EXOC6B: variants seen among roughly 807,000 people sequenced by gnomAD.
The protein encoded by EXOC6B is exocyst complex component 6B.
Under a neutral mutation model 113.5 loss-of-function variants are expected in EXOC6B, and 54 were observed. The observed-to-expected ratio is 0.48, with a 90% CI of 0.38 to 0.60. The LOEUF (loss-of-function observed/expected upper bound fraction) is 0.60. EXOC6B is among the 20% of genes least tolerant of loss of function. The pLI, the probability that EXOC6B is intolerant of heterozygous loss-of-function variation, is 0.00. For synonymous variants in EXOC6B, 357 were observed against 339.0 expected (o/e 1.05, Z -0.58); for missense variants, 797 against 977.5 (o/e 0.82, Z 2.46).
intron 18 of EXOC6B, among the ~76,000 whole-genome samples, chr2:72,450,737 T>G (rs966137395): frequency 6.6e-6 from 1 of 152,188 alleles, no homozygotes; most frequent in Non-Finnish European, 1.5e-5. Context: ...CTTCCCTCAA[T>G]AGCATAGAAT....
At chr2:72,606,376 A>G (rs1429316828) in intron 6 of EXOC6B, among the ~76,000 whole-genome samples, 2 of 152,170 alleles carry the variant, frequency 1.3e-5, no homozygotes, top group East Asian at 1.9e-4. Context: ...AAACAGGCCT[A>G]TGAAGTAAAC....
chr2:72,534,759 C>T (rs1702190525), intron 8 of EXOC6B, among the ~76,000 whole-genome samples: 1 of 152,078 alleles, frequency 6.6e-6, no homozygotes, highest in Non-Finnish European at 1.5e-5. Flanking sequence ...AACTGAAAGC[C>T]AAAGTTACAA....
At chr2:72,580,049 T>C (rs1168766432) in intron 6 of EXOC6B, among the ~76,000 whole-genome samples, 1 of 151,774 alleles carries the variant, frequency 6.6e-6, no homozygotes, top group Non-Finnish European at 1.5e-5. Context: ...GTGAAGTCTC[T>C]TGAATTAAAA....
At chr2:72,543,270 A>C (rs1702715909) in intron 8 of EXOC6B, among the ~76,000 whole-genome samples, 1 of 152,202 alleles carries the variant, frequency 6.6e-6, no homozygotes, top group South Asian at 2.1e-4. Context: ...TATTCTGAGA[A>C]AAATGGGAAA....
intron 19 of EXOC6B, among the ~76,000 whole-genome samples, chr2:72,373,594 T>G (rs1691172297): frequency 1.3e-5 from 2 of 152,088 alleles, no homozygotes; most frequent in African/African-American, 4.8e-5. Flanking sequence ...AATTTAAAAA[T>G]GAGCAAAAGA....
intron 19 of EXOC6B, among the ~76,000 whole-genome samples, chr2:72,373,348 C>T (rs1346148909): frequency 6.6e-6 from 1 of 152,030 alleles, no homozygotes; most frequent in African/African-American, 2.4e-5. Context: ...AGCCACCGTG[C>T]CTGGCCTGGG....
chr2:72,352,966 A>T (rs1689750821), intron 19 of EXOC6B, among the ~76,000 whole-genome samples: 1 of 152,186 alleles, frequency 6.6e-6, no homozygotes, highest in Admixed American at 6.5e-5. Context: ...GGGCCAAAAA[A>T]TATATTAAAT....
At chr2:72,529,141 C>A (rs1023340255) in intron 8 of EXOC6B, among the ~76,000 whole-genome samples, 1 of 151,790 alleles carries the variant, frequency 6.6e-6, no homozygotes, top group Non-Finnish European at 1.5e-5. Context: ...AGGGGGAAAC[C>A]ATTTGGACTT....
chr2:72,405,695 G>A (rs934386156), intron 18 of EXOC6B, among the ~76,000 whole-genome samples: 9 of 152,162 alleles, frequency 5.9e-5, no homozygotes, highest in Non-Finnish European at 1.2e-4. Context: ...AAGAGCTCCT[G>A]AAGGAAGCAC....
At chr2:72,557,103 A>T (rs1703588554) in intron 8 of EXOC6B, among the ~76,000 whole-genome samples, 1 of 151,872 alleles carries the variant, frequency 6.6e-6, no homozygotes, top group South Asian at 2.1e-4. Flanking sequence ...CTAGATCCAT[A>T]GCGCAACATC....
chr2:72,411,685 T>C (rs1224297047), intron 18 of EXOC6B, among the ~76,000 whole-genome samples: 1 of 152,204 alleles, frequency 6.6e-6, no homozygotes, highest in Non-Finnish European at 1.5e-5. Flanking sequence ...GAGCAGAATC[T>C]GGTCGTGGAT....
At chr2:72,217,258 A>G (rs2104411154) in intron 20 of EXOC6B, among the ~76,000 whole-genome samples, 1 of 152,186 alleles carries the variant, frequency 6.6e-6, no homozygotes, top group Non-Finnish European at 1.5e-5. Flanking sequence ...ACATCATGCA[A>G]TTCTGGTACC....
At position 72,627,689 on chromosome 2, in the gene EXOC6B, C is replaced by A. The variant is rs77084759; in HGVS notation, c.670-52021G>T. Among the ~76,000 whole-genome samples, 912 of 152,264 alleles carry A rather than the reference C, an allele frequency of 6.0e-3. 7 individuals carry two copies. Among genetic ancestry groups the A allele is most frequent in the African/African-American group, 0.02 (839 of 41,566 alleles). ...AGCAGAAGGCTATTTTTTTTCCATG[C>A]AATCTCTCTTTTTGGAGAGAAGATG... On this transcript the variant is annotated intron_variant, in intron 6 of 21. Transcript: ENST00000272427.
In EXOC6B at chr2:72,262,101, T is replaced by C. The variant is rs184879483; in HGVS notation, c.2196+72846A>G. Reference sequence around the variant, plus strand: ...AATAACCTATCAGTTAGAAAAAATCTGAATTTGTCTTTTTCAATATGGATA... The same window carrying C: ...AATAACCTATCAGTTAGAAAAAATCCGAATTTGTCTTTTTCAATATGGATA... On this transcript the variant is annotated intron_variant, in intron 20 of 21. Coordinates refer to ENST00000272427, the MANE Select transcript of EXOC6B (RefSeq NM_015189.3). Among the ~76,000 whole-genome samples the C allele has an allele frequency of 1.7e-4, 26 of 152,296 alleles. No homozygotes were observed. The East Asian group carries it at 4.8e-3, about 28-fold the overall frequency.
rs557155702 is a variant in EXOC6B at position 72,498,341 on chromosome 2, ATAAG to A, written c.1337+109_1337+112del. ...TCATAACCTAGAGTAGCTACAAAAT[ATAAG>A]TAACATATACTTGTTGCCTATAACA... On this transcript the variant is annotated intron_variant, in intron 13 of 21. Transcript: ENST00000272427. 3.5e-4 allele frequency: 228 copies of A among 644,392 alleles called. No individual in the cohort carries two copies. The Middle Eastern group carries it at 5.0e-3, about 14-fold the overall frequency. The allele number at this position is 644,392 out of a possible 1,614,324, so 39.9% of individuals were successfully genotyped here.
At chr2:72,272,012 C>G (rs1000057286) in intron 20 of EXOC6B, among the ~76,000 whole-genome samples, 1 of 152,060 alleles carries the variant, frequency 6.6e-6, no homozygotes, top group Non-Finnish European at 1.5e-5. Flanking sequence ...TGGTCTGTAC[C>G]TCAATAGCAT....
At position 72,335,548 on chromosome 2, in the gene EXOC6B, GCACACACACACACACA is replaced by G. The variant is rs70963124; in HGVS notation, c.2123-544_2123-529del. ...TGTATTATCTCATGACTGCATTATT[GCACACACACACACACA>G]CACACACACACACACACACACACAC... On this transcript the variant is annotated intron_variant, in intron 19 of 21. Coordinates refer to ENST00000272427, the MANE Select transcript of EXOC6B (RefSeq NM_015189.3). Among the ~76,000 whole-genome samples, 1,074 of 134,998 alleles carry G rather than the reference GCACACACACACACACA, an allele frequency of 8.0e-3. 12 individuals carry two copies. The highest frequency in any genetic ancestry group is 0.012 in the South Asian group (46 of 3,758). 88.6% of individuals were successfully genotyped at this position (134,998 alleles called of 152,430 possible).
chr2:72,688,680 T>G (rs1677264238), intron 6 of EXOC6B, among the ~76,000 whole-genome samples: 3 of 152,148 alleles, frequency 2.0e-5, no homozygotes, highest in South Asian at 4.1e-4. Flanking sequence ...AGGTAAGAAC[T>G]AAAGGGATAT....
chr2:72,224,702 TC>T (rs1414348659), intron 20 of EXOC6B, among the ~76,000 whole-genome samples: 1 of 152,004 alleles, frequency 6.6e-6, no homozygotes, highest in African/African-American at 2.4e-5. Context: ...CAATCTCCAC[TC>T]ACTGCAGCCT....
Sources: allele counts gnomAD v4.1 joint callset (sites outside exome capture counted in the v4.1 genomes callset), GRCh38; gene constraint gnomAD v4.1.1; transcripts MANE v1.5; gene names NCBI Gene and HGNC (gene_info 2026-07-23, HGNC 2026-07-21).